The following IGF1 variants were observed in gnomAD, a reference collection of about 807,000 sequenced individuals.
IGF1 encodes the protein insulin like growth factor 1, also known as insulin-like growth factor 1.
IGF1 carries 4 observed loss-of-function variants against 13.8 expected under a neutral mutation model. That is an observed-to-expected ratio of 0.29 (90% CI 0.14 to 0.66). IGF1 has a LOEUF of 0.66. Ranked by LOEUF, IGF1 falls within the 30% of genes least tolerant of loss-of-function variation. IGF1 has a pLI of 0.78. For synonymous variants in IGF1, 76 were observed against 72.6 expected (o/e 1.05, Z -0.23); for missense variants, 124 against 188.5 (o/e 0.66, Z 2.00).
intron 2 of IGF1, among the ~76,000 whole-genome samples, chr12:102,437,796 G>C (rs1877374723): frequency 6.6e-6 from 1 of 152,190 alleles, no homozygotes; most frequent in Non-Finnish European, 1.5e-5. Context: ...ACAAAGAAAT[G>C]ATAAAGGCAT....
intron 2 of IGF1, among the ~76,000 whole-genome samples, chr12:102,430,833 C>T (rs1876676417): frequency 6.6e-6 from 1 of 152,214 alleles, no homozygotes; most frequent in African/African-American, 2.4e-5. Context: ...CTGAGATCTG[C>T]CTTTGGCAGT....
intron 2 of IGF1, among the ~76,000 whole-genome samples, chr12:102,470,303 G>T (rs1195326485): frequency 6.6e-6 from 1 of 152,180 alleles, no homozygotes; most frequent in East Asian, 1.9e-4. Flanking sequence ...GGCAATAGAG[G>T]CCATGCCCTT....
intron 2 of IGF1, among the ~76,000 whole-genome samples, chr12:102,460,333 T>C (rs944442747): frequency 6.6e-6 from 1 of 152,208 alleles, no homozygotes; most frequent in African/African-American, 2.4e-5. Context: ...TCTTTCATCA[T>C]TAGTTTTGGC....
intron 2 of IGF1, among the ~76,000 whole-genome samples, chr12:102,420,034 A>T (rs1453315641): frequency 2.0e-5 from 3 of 152,204 alleles, no homozygotes; most frequent in Non-Finnish European, 4.4e-5. Flanking sequence ...TTAAAATAAG[A>T]TCATGCATTG....
chr12:102,453,582 A>G (rs1879138408), intron 2 of IGF1, among the ~76,000 whole-genome samples: 1 of 151,958 alleles, frequency 6.6e-6, no homozygotes, highest in Middle Eastern at 3.4e-3. Flanking sequence ...CTGTATGTAC[A>G]AAAAAAGAGA....
chr12:102,413,833 G>T (rs1049878892), intron 3 of IGF1, among the ~76,000 whole-genome samples: 8 of 152,110 alleles, frequency 5.3e-5, no homozygotes, highest in Non-Finnish European at 1.0e-4. Flanking sequence ...AGAAGCAATG[G>T]CTCTCACTTG....
In IGF1 at chr12:102,476,127, C is replaced by T. The variant is rs5742617; in HGVS notation, c.64-328G>A. On this transcript the variant is annotated intron_variant, in intron 1 of 3. Coordinates refer to ENST00000337514, the MANE Select transcript of IGF1 (RefSeq NM_000618.5). ...ACGGAAATGAAAGATGCTATTATTA[C>T]AGTGGGATCCCATATCACTCTGAGA... 8.2e-3 allele frequency among the ~76,000 whole-genome samples: 1,249 copies of T among 152,264 alleles called. 20 individuals carry two copies. Among genetic ancestry groups the T allele is most frequent in the African/African-American group, 0.028 (1,183 of 41,552 alleles).
At chr12:102,408,461 T>C (rs978458) in intron 3 of IGF1, among the ~76,000 whole-genome samples, 105,557 of 152,056 alleles carry the variant, frequency 0.69, 36,951 homozygotes, top group Admixed American at 0.75. Flanking sequence ...AAGGTGCACA[T>C]TTTGAGAAAC....
At chr12:102,411,519 C>T (rs1874637849) in intron 3 of IGF1, among the ~76,000 whole-genome samples, 1 of 152,186 alleles carries the variant, frequency 6.6e-6, no homozygotes, top group South Asian at 2.1e-4. Flanking sequence ...TTTGTAGAAA[C>T]TTTAGCCATG....
At chr12:102,479,466 G>A (rs989789599) in intron 1 of IGF1, among the ~76,000 whole-genome samples, 20 of 152,022 alleles carry the variant, frequency 1.3e-4, no homozygotes, top group East Asian at 1.9e-4. Context: ...CTAGAACTAC[G>A]GCCAGCAATC....
chr12:102,450,155 G>A (rs1309795038), intron 2 of IGF1, among the ~76,000 whole-genome samples: 1 of 152,152 alleles, frequency 6.6e-6, no homozygotes, highest in Non-Finnish European at 1.5e-5. Context: ...TTTCTTCCCA[G>A]GGTTTTTATA....
At chr12:102,456,957 A>G (rs573005401) in intron 2 of IGF1, among the ~76,000 whole-genome samples, 1 of 152,260 alleles carries the variant, frequency 6.6e-6, no homozygotes, top group East Asian at 1.9e-4. Flanking sequence ...TTTTCTAAGA[A>G]TTTTGTGGCA....
Position 102,473,642 on chromosome 12 carries a change from CAT to C in IGF1, c.220+1999_220+2000del, listed in dbSNP as rs148345940. ...TACAAAGCCACTTTCTAGCTAAAGT[CAT>C]ATAGTAAGAATCAAGATTTGCTATA... On this transcript the variant is annotated intron_variant, in intron 2 of 3. Coordinates refer to ENST00000337514, the MANE Select transcript of IGF1 (RefSeq NM_000618.5). 7.0e-3 allele frequency among the ~76,000 whole-genome samples: 1,065 copies of C among 152,256 alleles called. 12 individuals are homozygous for C. Among genetic ancestry groups the C allele is most frequent in the African/African-American group, 0.024 (1,005 of 41,556 alleles).
chr12:102,415,560 T>TTCCTTCCTTCCTTCCG (rs1186794989), intron 3 of IGF1: 26 of 137,760 alleles, frequency 1.9e-4, no homozygotes, highest in Middle Eastern at 3.6e-3. Flanking sequence ...CCTTCCTTCC[T>TTCCTTCCTTCCTTCCG]TCCTTCCTTC....
At chr12:102,470,542 TAGCTTAGTG>T (rs1880620011) in intron 2 of IGF1, among the ~76,000 whole-genome samples, 1 of 152,216 alleles carries the variant, frequency 6.6e-6, no homozygotes, top group Non-Finnish European at 1.5e-5. Context: ...TGTAGCCTAT[TAGCTTAGTG>T]GTACTAATGA....
chr12:102,419,900 C>T (rs1744629461), intron 2 of IGF1, among the ~76,000 whole-genome samples: 1 of 152,222 alleles, frequency 6.6e-6, no homozygotes, highest in Non-Finnish European at 1.5e-5. Context: ...CTCATTAGCA[C>T]TAACTCATTC....
chr12:102,402,922 AAATC>A (rs1873808955), intron 3 of IGF1, among the ~76,000 whole-genome samples: 1 of 152,236 alleles, frequency 6.6e-6, no homozygotes, highest in Non-Finnish European at 1.5e-5. Flanking sequence ...GTAAGAAAAA[AAATC>A]AATCACATTC....
intron 3 of IGF1, among the ~76,000 whole-genome samples, chr12:102,410,237 CAA>C (rs1433671163): frequency 6.6e-6 from 1 of 152,122 alleles, no homozygotes; most frequent in African/African-American, 2.4e-5. Flanking sequence ...CCCTTGCTGA[CAA>C]GAGGTGTTTA....
chr12:102,481,690 A>G (rs186198730), upstream of IGF1: 1 of 152,330 alleles, frequency 6.6e-6, no homozygotes, highest in Admixed American at 6.5e-5. Flanking sequence ...GCAAAAGCCC[A>G]GAGCAGACAT....
Sources: gnomAD v4.1 joint callset for allele counts (sites outside exome capture counted in the v4.1 genomes callset) on GRCh38, gnomAD v4.1.1 for gene constraint, MANE v1.5 for transcripts, NCBI Gene and HGNC (gene_info 2026-07-23, HGNC 2026-07-21) for gene names.